GPR176: variants seen among roughly 807,000 people sequenced by gnomAD.
The protein encoded by GPR176 is G protein-coupled receptor 176, also known as G-protein coupled receptor 176.
Under a neutral mutation model 35.4 loss-of-function variants are expected in GPR176, and 26 were observed. The observed-to-expected ratio is 0.74, with a 90% CI of 0.54 to 1.02. The LOEUF (loss-of-function observed/expected upper bound fraction) is 1.02, where lower values mean the gene tolerates loss of function less well. Among genes scored for constraint, GPR176 ranks in the 50% least tolerant of loss-of-function variants. GPR176 has a pLI of 0.00. For synonymous variants in GPR176, 278 were observed against 271.3 expected (o/e 1.02, Z -0.24); for missense variants, 597 against 665.3 (o/e 0.90, Z 1.13).
chr15:39,841,711 A>T (rs2030005024), intron 1 of GPR176, among the ~76,000 whole-genome samples: 1 of 152,108 alleles, frequency 6.6e-6, no homozygotes, highest in Non-Finnish European at 1.5e-5. Context: ...TGAGATAATA[A>T]ATTTCTGTTG....
intron 1 of GPR176, among the ~76,000 whole-genome samples, chr15:39,915,492 A>G (rs760358509): frequency 3.9e-5 from 6 of 152,196 alleles, no homozygotes; most frequent in Non-Finnish European, 7.3e-5. Flanking sequence ...CATTCAGTCT[A>G]TAAAGGAAAG....
chr15:39,878,481 T>TGC (rs2032345639), intron 1 of GPR176, among the ~76,000 whole-genome samples: 1 of 151,702 alleles, frequency 6.6e-6, no homozygotes, highest in African/African-American at 2.4e-5. Flanking sequence ...TTTGTGTGTG[T>TGC]GTGTGTGTGT....
chr15:39,914,187 T>C (rs1018359495), intron 1 of GPR176, among the ~76,000 whole-genome samples: 4 of 152,142 alleles, frequency 2.6e-5, no homozygotes, highest in Non-Finnish European at 5.9e-5. Flanking sequence ...AAGAATTCTA[T>C]CATATAGACA....
chr15:39,870,444 G>A (rs993995516), intron 1 of GPR176, among the ~76,000 whole-genome samples: 8 of 152,104 alleles, frequency 5.3e-5, no homozygotes, highest in South Asian at 2.1e-4. Flanking sequence ...AAGGATAACC[G>A]CAAATCTCTT....
chr15:39,841,242 AT>A (rs2029950365), intron 1 of GPR176, among the ~76,000 whole-genome samples: 1 of 152,142 alleles, frequency 6.6e-6, no homozygotes, highest in Non-Finnish European at 1.5e-5. Context: ...ATAACGACCA[AT>A]ACATATTGAT....
At chr15:39,906,719 G>A (rs564229340) in intron 1 of GPR176, among the ~76,000 whole-genome samples, 1 of 152,266 alleles carries the variant, frequency 6.6e-6, no homozygotes, top group African/African-American at 2.4e-5. Flanking sequence ...CACTGGGCAT[G>A]GCCATGTGTG....
At chr15:39,897,706 C>T (rs980755082) in intron 1 of GPR176, among the ~76,000 whole-genome samples, 8 of 150,218 alleles carry the variant, frequency 5.3e-5, no homozygotes, top group East Asian at 3.9e-4. Context: ...CTCTGCTTCC[C>T]GGGTTCACGC....
intron 1 of GPR176, among the ~76,000 whole-genome samples, chr15:39,863,261 TTA>T (rs1178288702): frequency 1.3e-5 from 2 of 151,808 alleles, no homozygotes; most frequent in East Asian, 3.9e-4. Context: ...TTTTGTATTT[TTA>T]GTAGAGATGG....
At chr15:39,896,920 A>G (rs1186058344) in intron 1 of GPR176, among the ~76,000 whole-genome samples, 2 of 152,230 alleles carry the variant, frequency 1.3e-5, no homozygotes, top group Non-Finnish European at 2.9e-5. Context: ...CTTTCTCACA[A>G]AATAAACTAT....
intron 1 of GPR176, among the ~76,000 whole-genome samples, chr15:39,855,676 T>TTTAC (rs2031169580): frequency 6.6e-6 from 1 of 152,214 alleles, no homozygotes; most frequent in South Asian, 2.1e-4. Context: ...TTGTTTCTGT[T>TTTAC]TAGTAACTCA....
chr15:39,865,898 T>C (rs2031808695), intron 1 of GPR176, among the ~76,000 whole-genome samples: 1 of 152,022 alleles, frequency 6.6e-6, no homozygotes, highest in African/African-American at 2.4e-5. Flanking sequence ...ATATATGAAA[T>C]AGTTATTCAT....
chr15:39,846,922 A>T (rs2030471041), intron 1 of GPR176, among the ~76,000 whole-genome samples: 1 of 152,194 alleles, frequency 6.6e-6, no homozygotes, highest in Non-Finnish European at 1.5e-5. Context: ...ATTATGTTTA[A>T]TAAATGAAGC....
Position 39,830,858 on chromosome 15 carries a change from G to C in GPR176, c.173-23600C>G, listed in dbSNP as rs372491672. On this transcript the variant is annotated intron_variant, in intron 1 of 2. Transcript: ENST00000561100. The stretch of plus-strand genomic sequence containing the variant: ...GGAAATAAGTCAATAACAACTGCTA[G>C]AAGGCCTCATCCAAGAGAATATAAA... Among the ~76,000 whole-genome samples the C allele has an allele frequency of 1.9e-4, 29 of 152,256 alleles. No homozygotes were observed. The East Asian group carries it at 3.3e-3, about 17-fold the overall frequency.
At chr15:39,893,880 C>A (rs1167742938) in intron 1 of GPR176, among the ~76,000 whole-genome samples, 2 of 143,536 alleles carry the variant, frequency 1.4e-5, no homozygotes, top group African/African-American at 5.3e-5. Flanking sequence ...CCTCACCTCC[C>A]GGACGGGGCG....
chr15:39,897,153 A>C (rs2033137306), intron 1 of GPR176, among the ~76,000 whole-genome samples: 1 of 152,224 alleles, frequency 6.6e-6, no homozygotes, highest in South Asian at 2.1e-4. Flanking sequence ...GTCAGCTAGA[A>C]AATAACTCAT....
chr15:39,817,002 G>A (rs1899949739), intron 1 of GPR176, among the ~76,000 whole-genome samples: 1 of 145,236 alleles, frequency 6.9e-6, no homozygotes, highest in African/African-American at 2.6e-5. Context: ...CTAGGAGTTG[G>A]AGGCTACAGT....
At chr15:39,857,812 CA>C (rs34193602) in intron 1 of GPR176, among the ~76,000 whole-genome samples, 2 of 149,694 alleles carry the variant, frequency 1.3e-5, no homozygotes, top group Admixed American at 1.3e-4. Flanking sequence ...ACTAAAAATA[CA>C]AAAAAAAATT....
chr15:39,865,650 C>G, intron 1 of GPR176, among the ~76,000 whole-genome samples: 1 of 152,090 alleles, frequency 6.6e-6, no homozygotes, highest in East Asian at 1.9e-4. Flanking sequence ...GACTTCACCA[C>G]TATGTGATCT....
At chr15:39,900,133 T>C (rs907432763) in intron 1 of GPR176, among the ~76,000 whole-genome samples, 8 of 151,684 alleles carry the variant, frequency 5.3e-5, no homozygotes, top group Admixed American at 5.3e-4. Flanking sequence ...AAATAAAATC[T>C]AGATAAATTT....
Sources: allele counts gnomAD v4.1 joint callset (sites outside exome capture counted in the v4.1 genomes callset), GRCh38; gene constraint gnomAD v4.1.1; transcripts MANE v1.5; gene names NCBI Gene and HGNC (gene_info 2026-07-23, HGNC 2026-07-21).